The following TAF2 variants were observed in gnomAD, a reference collection of about 807,000 sequenced individuals.
The protein encoded by TAF2 is transcription initiation factor TFIID subunit 2.
A neutral mutation model predicts 138.5 loss-of-function variants in TAF2; 61 were observed. The observed-to-expected ratio is 0.44, with a 90% CI of 0.36 to 0.54. The LOEUF is 0.54. TAF2 is among the 20% of genes least tolerant of loss of function. TAF2 has a pLI of 0.00. For missense variants in TAF2, 1,090 were observed against 1,427.9 expected (o/e 0.76, Z 3.81); for synonymous variants, 475 against 469.9 (o/e 1.01, Z -0.14).
chr8:119,800,763 G>A (rs1824199875), intron 6 of TAF2, among the ~76,000 whole-genome samples: 1 of 152,184 alleles, frequency 6.6e-6, no homozygotes, highest in African/African-American at 2.4e-5. Flanking sequence ...AAGGCAAACT[G>A]AGGAGCTCAC....
rs763001866 is a variant in TAF2 at position 119,797,658 on chromosome 8, C to T, written c.977+4G>A. ...AGGCATTTCAAATCTGAAGAGATACCAACCTAAAAATGCTCATGGAAGCAT... is the reference window on the plus strand; with the variant it reads ...AGGCATTTCAAATCTGAAGAGATACTAACCTAAAAATGCTCATGGAAGCAT... On this transcript the variant is annotated splice_donor_region_variant and intron_variant, in intron 7 of 25. Transcript: ENST00000378164. The T allele has an allele frequency of 6.2e-7, 1 of 1,612,308 alleles. No individual in the cohort carries two copies. The highest frequency in any genetic ancestry group is 8.5e-7 in the Non-Finnish European group (1 of 1,179,086).
At chr8:119,797,557 G>T in intron 7 of TAF2, 105 bp downstream of exon 7, 1 of 1,180,436 alleles carries the variant, frequency 8.5e-7, no homozygotes, top group Non-Finnish European at 1.2e-6. Context: ...CATCCAAATT[G>T]CGGAAAAAAG....
chr8:119,813,001 T>C (rs925271229), intron 3 of TAF2, among the ~76,000 whole-genome samples: 7 of 152,232 alleles, frequency 4.6e-5, no homozygotes, highest in African/African-American at 1.7e-4. Flanking sequence ...GTAGATCTAC[T>C]TGAACTCTCC....
intron 23 of TAF2, 156 bp from the exon 24 acceptor site, chr8:119,744,549 GAA>G: frequency 1.5e-6 from 1 of 680,734 alleles, no homozygotes; most frequent in East Asian, 2.7e-5. Context: ...GATATTAAGA[GAA>G]AGAAAAGATT....
At chr8:119,743,099 CA>C (rs1449457349) in intron 24 of TAF2, among the ~76,000 whole-genome samples, 2 of 151,434 alleles carry the variant, frequency 1.3e-5, no homozygotes, top group South Asian at 2.1e-4. Context: ...CCCCAAAAAA[CA>C]AAAACAGTAA....
At chr8:119,794,507 G>A (rs1823681270) in intron 9 of TAF2, among the ~76,000 whole-genome samples, 1 of 152,092 alleles carries the variant, frequency 6.6e-6, no homozygotes, top group Non-Finnish European at 1.5e-5. Context: ...AAACAGCATA[G>A]AGAAGAAACT....
chr8:119,772,674 C>A lies in TAF2; in HGVS notation c.2364+5345G>T, dbSNP rs191489570. ...AAATAAGGCCGGGTGTGGTGGCTCA[C>A]GCTTGTAATCCCAGCACTTTGGGAG... On this transcript the variant is annotated intron_variant, in intron 18 of 25. Transcript: ENST00000378164. Among the ~76,000 whole-genome samples the A allele has an allele frequency of 3.7e-3, 568 of 152,070 alleles. 6 individuals carry two copies. The highest frequency in any genetic ancestry group is 0.013 in the African/African-American group (548 of 41,504).
In TAF2 at chr8:119,815,496, G is replaced by A. The variant is rs377444587; in HGVS notation, c.299+3850C>T. ...TCACCGTGTTAGCCAGGATGGTCTC[G>A]ATCCCCTGACCTCGTGATCCACCCA... On this transcript the variant is annotated intron_variant, in intron 3 of 25. Transcript: ENST00000378164. Among the ~76,000 whole-genome samples, 30 of 151,770 alleles carry A rather than the reference G, an allele frequency of 2.0e-4. No individual in the cohort carries two copies. The East Asian group carries it at 4.9e-3, about 25-fold the overall frequency.
chr8:119,769,425 C>G (rs368236756), intron 18 of TAF2, among the ~76,000 whole-genome samples: 1 of 151,264 alleles, frequency 6.6e-6, no homozygotes, highest in East Asian at 1.9e-4. Flanking sequence ...CTGTGACACA[C>G]AAGCTCTCTT....
chr8:119,825,286 A>C (rs893730471), intron 2 of TAF2, among the ~76,000 whole-genome samples: 3 of 152,202 alleles, frequency 2.0e-5, no homozygotes, highest in African/African-American at 7.2e-5. Context: ...TGTTTTGGCT[A>C]ATTTCTGCCA....
intron 12 of TAF2, among the ~76,000 whole-genome samples, 164 bp downstream of exon 12, chr8:119,789,428 T>C (rs1823262534): frequency 6.6e-6 from 1 of 152,166 alleles, no homozygotes; most frequent in Admixed American, 6.6e-5. Context: ...GTAGGCATCT[T>C]AGATGAAACA....
At chr8:119,832,454 G>A in intron 1 of TAF2, 28 bp downstream of exon 1, 1 of 1,607,150 alleles carries the variant, frequency 6.2e-7, no homozygotes, top group South Asian at 1.1e-5. Context: ...AAACCAAAAG[G>A]AAGGAAGGGA....
intron 18 of TAF2, among the ~76,000 whole-genome samples, chr8:119,771,566 A>ATCT (rs1821841716): frequency 6.6e-6 from 1 of 152,182 alleles, no homozygotes; most frequent in African/African-American, 2.4e-5. Context: ...CAGATAAAAT[A>ATCT]GACTTTAAAC....
Position 119,780,102 on chromosome 8 carries a change from T to C in TAF2, c.2253+951A>G, listed in dbSNP as rs142626756. On this transcript the variant is annotated intron_variant, in intron 17 of 25. Transcript: ENST00000378164. ...CTTCATTAGTTCTCTCTACTTCAACTTCACTCCTCCTTTCTAGTTCAATCT... is the reference window on the plus strand; with the variant it reads ...CTTCATTAGTTCTCTCTACTTCAACCTCACTCCTCCTTTCTAGTTCAATCT... Among the ~76,000 whole-genome samples, 166 of 152,124 alleles carry C rather than the reference T, an allele frequency of 1.1e-3. 1 individual carries two copies. The highest frequency in any genetic ancestry group is 3.8e-3 in the African/African-American group (157 of 41,500).
intron 18 of TAF2, among the ~76,000 whole-genome samples, chr8:119,767,390 A>G (rs2131080129): frequency 6.6e-6 from 1 of 152,334 alleles, no homozygotes; most frequent in African/African-American, 2.4e-5. Flanking sequence ...GAACCAGGGC[A>G]AGTGTGGAGC....
At chr8:119,827,932 A>G (rs1003751283) in intron 2 of TAF2, among the ~76,000 whole-genome samples, 6 of 151,964 alleles carry the variant, frequency 3.9e-5, no homozygotes, top group Non-Finnish European at 5.9e-5. Flanking sequence ...TTTAGTAGAG[A>G]TAGGGTTTCA....
chr8:119,820,359 A>C (rs1232541520), intron 2 of TAF2, among the ~76,000 whole-genome samples: 3 of 152,200 alleles, frequency 2.0e-5, no homozygotes, highest in Non-Finnish European at 4.4e-5. Context: ...AATATCTAAG[A>C]CAAAATTCAG....
chr8:119,770,061 AT>A (rs34500705), intron 18 of TAF2, among the ~76,000 whole-genome samples: 105 of 146,806 alleles, frequency 7.2e-4, no homozygotes, highest in Admixed American at 8.1e-4. Flanking sequence ...GCAGCCCCCA[AT>A]TTTTTTTTTT....
intron 3 of TAF2, among the ~76,000 whole-genome samples, chr8:119,816,050 C>CTTT (rs770573593): frequency 2.2e-5 from 3 of 133,896 alleles, no homozygotes; most frequent in Non-Finnish European, 3.2e-5. Context: ...CACACTCTTT[C>CTTT]TTTTTTTTTT....
Sources: gnomAD v4.1 joint callset for allele counts (sites outside exome capture counted in the v4.1 genomes callset) on GRCh38, gnomAD v4.1.1 for gene constraint, MANE v1.5 for transcripts, NCBI Gene and HGNC (gene_info 2026-07-23, HGNC 2026-07-21) for gene names.